HMCN1: variants seen among roughly 807,000 people sequenced by gnomAD.
HMCN1 encodes hemicentin 1.
HMCN1 carries 321 observed loss-of-function variants against 625.9 expected under a neutral mutation model. The ratio of observed to expected loss-of-function variants is 0.51; its 90% confidence interval spans 0.47 to 0.56. HMCN1 has a LOEUF of 0.56. Ranked by LOEUF, HMCN1 falls within the 20% of genes least tolerant of loss-of-function variation. The probability of loss-of-function intolerance (pLI) is 0.00; values close to 1 mark genes in which losing one functional copy is unlikely to be tolerated. For synonymous variants in HMCN1, 2,425 were observed against 2,417.6 expected (o/e 1.00, Z -0.09); for missense variants, 6,588 against 6,887.3 (o/e 0.96, Z 1.54).
chr1:185,748,263 A>AG (rs1361846422), intron 1 of HMCN1, among the ~76,000 whole-genome samples: 2 of 152,064 alleles, frequency 1.3e-5, no homozygotes, highest in Non-Finnish European at 2.9e-5. Flanking sequence ...CATATTCCCC[A>AG]GAGGGTCTTC....
chr1:186,166,264 A>G lies in HMCN1; in HGVS notation c.15400A>G (p.Lys5134Glu). The change falls in exon 99 of 107, where the codon AAA becomes GAA. Residue 5134 changes from lysine (K) to glutamate (E), a missense_variant. Lys to Glu is a moderately conservative substitution (Grantham distance 56). Coordinates refer to ENST00000271588, the MANE Select transcript of HMCN1 (RefSeq NM_031935.3). ...AMGTYYCSCP[K>E]GLTIAADGRT... ...GGGGACTTACTACTGCTCCTGCCCT[A>G]AAGGCCTCACCATAGCTGCAGATGG... is the stretch of plus-strand genomic sequence containing the variant. 1 of 1,614,160 alleles carries G rather than the reference A, an allele frequency of 6.2e-7. No homozygotes were observed. The highest frequency in any genetic ancestry group is 1.1e-5 in the South Asian group (1 of 91,076).
chr1:186,117,086 A>G lies in HMCN1; in HGVS notation c.11654A>G (p.Asp3885Gly). Residue 3885 changes from aspartate to glycine, a missense_variant, in exon 76 of 107, where the codon GAT becomes GGT. By Grantham distance (94) the Asp-to-Gly change is moderately conservative. Coordinates refer to ENST00000271588, the MANE Select transcript of HMCN1 (RefSeq NM_031935.3). Reference sequence around the variant, plus strand: ...ACTGTGACAAACGGTGCTGGAGATGATAAAAGAACTGTGGATCTCACTGTC... The same window carrying G: ...ACTGTGACAAACGGTGCTGGAGATGGTAAAAGAACTGTGGATCTCACTGTC... ...ECTVTNGAGDDKRTVDLTVQV... is the reference protein window; with the variant it reads ...ECTVTNGAGDGKRTVDLTVQV... 1 of 1,613,588 alleles carries G rather than the reference A, an allele frequency of 6.2e-7. No individual in the cohort carries two copies.
chr1:185,851,426 T>A (rs989711652), intron 2 of HMCN1, among the ~76,000 whole-genome samples: 2 of 152,142 alleles, frequency 1.3e-5, no homozygotes, highest in East Asian at 3.8e-4. Flanking sequence ...AAAAGCAATC[T>A]AAAATTTTCC....
intron 19 of HMCN1, among the ~76,000 whole-genome samples, chr1:185,985,667 AT>A (rs1651958169): frequency 6.6e-6 from 1 of 152,210 alleles, no homozygotes; most frequent in Non-Finnish European, 1.5e-5. Flanking sequence ...GAGTTAAAAA[AT>A]TAGTGCAGCC....
chr1:185,811,685 C>G (rs892903695), intron 1 of HMCN1, among the ~76,000 whole-genome samples: 1 of 151,294 alleles, frequency 6.6e-6, no homozygotes, highest in Admixed American at 6.6e-5. Flanking sequence ...AGCTAGGAGA[C>G]TGGAAAGAAA....
Position 186,153,918 on chromosome 1 carries a change from T to C in HMCN1, c.15187T>C (p.Ser5063Pro), listed in dbSNP as rs369486041. ...PFLVETLHAS[S>P]VESDYNQIEE... ...CTTGGTTGAAACACTTCATGCATCC[T>C]CTGTGGAATCTGACTATAACCAGAT... is the stretch of plus-strand genomic sequence containing the variant. Residue 5063 changes from serine (S) to proline (P), a missense_variant, in exon 97 of 107, where the codon TCT becomes CCT. Transcript: ENST00000271588. 6.2e-7 allele frequency: 1 copy of C among 1,614,034 alleles called. No individual in the cohort carries two copies. The highest frequency in any genetic ancestry group is 8.5e-7 in the Non-Finnish European group (1 of 1,180,014).
At chr1:186,129,259 G>C (rs1487727821) in intron 83 of HMCN1, among the ~76,000 whole-genome samples, 1 of 151,022 alleles carries the variant, frequency 6.6e-6, no homozygotes, top group Non-Finnish European at 1.5e-5. Context: ...ATTTAGATAT[G>C]GACTGGTTTA....
Position 185,970,360 on chromosome 1 carries a change from A to G in HMCN1, c.2238A>G (p.Thr746=). 3.7e-6 allele frequency: 6 copies of G among 1,613,832 alleles called. No individual in the cohort carries two copies. The highest frequency in any genetic ancestry group is 4.2e-6 in the Non-Finnish European group (5 of 1,179,694). Residue 746 remains threonine (T), a synonymous_variant, in exon 15 of 107, where the codon ACA becomes ACG. Transcript: ENST00000271588. ...GAGATCTTGAGTTGAGGCCCTCAAC[A>G]TTCCTCATTATTGACCCTCTCTTGG... ...FKGDLELRPS[T]FLIIDPLLGL... is the part of the protein sequence containing the mutation.
chr1:185,925,130 T>C lies in HMCN1; in HGVS notation c.1369T>C (p.Leu457=). ...AATTCCCTGCTCTGTTGACAGTCTT[T>C]TGCCCTTTACCTTGAGCTTTGTCAG... ...GQIPCSVDSL[L]PFTLSFVRNG... is the part of the protein sequence containing the mutation. The change falls in exon 9 of 107, where the codon TTG becomes CTG. Residue 457 remains leucine (L), a synonymous_variant. Coordinates refer to ENST00000271588, the MANE Select transcript of HMCN1 (RefSeq NM_031935.3). The C allele has an allele frequency of 6.2e-7, 1 of 1,614,046 alleles. No individual in the cohort carries two copies. Among genetic ancestry groups the C allele is most frequent in the Non-Finnish European group, 8.5e-7 (1 of 1,179,908 alleles).
At chr1:185,808,713 C>T (rs939013169) in intron 1 of HMCN1, among the ~76,000 whole-genome samples, 64 of 152,182 alleles carry the variant, frequency 4.2e-4, no homozygotes, top group African/African-American at 1.5e-3. Flanking sequence ...TAAGAGAGTC[C>T]TTCAAAGTGT....
intron 4 of HMCN1, among the ~76,000 whole-genome samples, chr1:185,888,590 C>G (rs1321481842): frequency 5.5e-5 from 8 of 146,552 alleles, no homozygotes; most frequent in East Asian, 1.9e-4. Flanking sequence ...GCTTGTTTTT[C>G]TCAGGTTTGT....
In HMCN1 at chr1:186,173,640, C is replaced by CAAAAAAAAAA. The variant is rs762258823; in HGVS notation, c.15815-868_15815-859dup. 4.0e-5 allele frequency among the ~76,000 whole-genome samples: 3 copies of CAAAAAAAAAA among 74,690 alleles called. 1 individual carries two copies. Among genetic ancestry groups the CAAAAAAAAAA allele is most frequent in the South Asian group, 1.1e-3 (2 of 1,880 alleles). The allele number at this position is 74,690 out of a possible 152,430, so 49.0% of individuals were successfully genotyped here. ...TGGGTGACAGAGCGAGACTCCATCT[C>CAAAAAAAAAA]AAAAAAAAAAAAAAAGAAAAAAGAA... On this transcript the variant is annotated intron_variant, in intron 102 of 106. Transcript: ENST00000271588.
chr1:186,135,422 A>C lies in HMCN1; in HGVS notation c.13313-1246A>C, dbSNP rs144718713. On this transcript the variant is annotated intron_variant, in intron 86 of 106. Transcript: ENST00000271588. Reference sequence around the variant, plus strand: ...GTCTTTGGCCGTCTTCTCATTTTAGACTCTCTTCTGAAGCAATCTTATTCA... The same window carrying C: ...GTCTTTGGCCGTCTTCTCATTTTAGCCTCTCTTCTGAAGCAATCTTATTCA... 1.1e-3 allele frequency among the ~76,000 whole-genome samples: 166 copies of C among 152,002 alleles called. 1 individual carries two copies. Among genetic ancestry groups the C allele is most frequent in the East Asian group, 5.8e-3 (30 of 5,172 alleles).
Position 186,123,066 on chromosome 1 carries a change from T to C in HMCN1, c.12345T>C (p.Asp4115=), listed in dbSNP as rs778045303. Residue 4115 remains aspartate, a synonymous_variant, in exon 81 of 107, where the codon GAT becomes GAC. Transcript: ENST00000271588. ...LPPPDITWHK[D]GRAIVESIRQ... ...CGCCTGACATTACATGGCATAAAGATGGGCGTGCAATTGTGGAATCTATCC... is the reference window on the plus strand; with the variant it reads ...CGCCTGACATTACATGGCATAAAGACGGGCGTGCAATTGTGGAATCTATCC... The C allele has an allele frequency of 6.2e-7, 1 of 1,614,146 alleles. No homozygotes were observed. The highest frequency in any genetic ancestry group is 1.1e-5 in the South Asian group (1 of 91,084).
At chr1:185,980,886 C>A in intron 16 of HMCN1, 92 bp from the exon 17 acceptor site, 1 of 834,474 alleles carries the variant, frequency 1.2e-6, no homozygotes, top group Non-Finnish European at 2.1e-6. Flanking sequence ...AGGCAGTGCA[C>A]ACTTTCCATG....
At chr1:186,143,683 T>A (rs1650112497) in intron 89 of HMCN1, among the ~76,000 whole-genome samples, 1 of 152,230 alleles carries the variant, frequency 6.6e-6, no homozygotes, top group Non-Finnish European at 1.5e-5. Flanking sequence ...TATGTAGATA[T>A]GAAGCTGAAT....
In HMCN1 at chr1:186,144,742, TAA is replaced by T. The variant is rs1650207350; in HGVS notation, c.14266+41_14266+42del. ...ATAGTGAGTCAACATTATACTTTCA[TAA>T]AGTTTCATTATGACTGTAATTCCTT... On this transcript the variant is annotated intron_variant, in intron 91 of 106. Coordinates refer to ENST00000271588, the MANE Select transcript of HMCN1 (RefSeq NM_031935.3). 6 of 1,607,458 alleles carry T rather than the reference TAA, an allele frequency of 3.7e-6. No homozygotes were observed. The East Asian group carries it at 1.3e-4, about 36-fold the overall frequency.
intron 53 of HMCN1, 71 bp downstream of exon 53, chr1:186,074,962 CTTATT>C: frequency 2.3e-6 from 3 of 1,327,672 alleles, no homozygotes; most frequent in Non-Finnish European, 2.1e-6. Flanking sequence ...AGAGATTTGA[CTTATT>C]TTAAACAGTG....
At chr1:186,063,452 A>T (rs1444807114) in intron 48 of HMCN1, among the ~76,000 whole-genome samples, 2 of 2,146 alleles carry the variant, frequency 9.3e-4, no homozygotes, top group Non-Finnish European at 1.5e-3. Context: ...CGGAGAGAGA[A>T]GGAAGGAAGG....
Sources: allele counts gnomAD v4.1 joint callset (sites outside exome capture counted in the v4.1 genomes callset), GRCh38; gene constraint gnomAD v4.1.1; transcripts MANE v1.5; gene names NCBI Gene and HGNC (gene_info 2026-07-23, HGNC 2026-07-21).